FOCAD: variants seen among roughly 807,000 people sequenced by gnomAD.
FOCAD encodes the protein KIAA1797.
FOCAD carries 198 observed loss-of-function variants against 225.6 expected under a neutral mutation model. The observed-to-expected ratio is 0.88, with a 90% CI of 0.78 to 0.99. The LOEUF (loss-of-function observed/expected upper bound fraction) is 0.99, where lower values mean the gene tolerates loss of function less well. FOCAD is among the 50% of genes least tolerant of loss of function. The probability of loss-of-function intolerance (pLI) is 0.00; values close to 1 mark genes in which losing one functional copy is unlikely to be tolerated. For synonymous variants in FOCAD, 897 were observed against 755.0 expected (o/e 1.19, Z -3.08); for missense variants, 2,713 against 2,123.6 (o/e 1.28, Z -5.46).
At chr9:20,942,177 A>G (rs923590883) in intron 28 of FOCAD, among the ~76,000 whole-genome samples, 3 of 152,220 alleles carry the variant, frequency 2.0e-5, no homozygotes, top group African/African-American at 7.2e-5. Context: ...TGTAGCAATG[A>G]ATAGAATCGC....
intron 11 of FOCAD, among the ~76,000 whole-genome samples, chr9:20,790,648 G>C (rs1319685798): frequency 6.6e-6 from 1 of 152,164 alleles, no homozygotes; most frequent in Admixed American, 6.5e-5. Flanking sequence ...ACATGCACCT[G>C]TAATCCCAGC....
chr9:20,820,156 T>C (rs1354654353), intron 12 of FOCAD, 168 bp from the exon 13 acceptor site: 4 of 563,216 alleles, frequency 7.1e-6, no homozygotes, highest in Non-Finnish European at 9.3e-6. Context: ...AGGATTGTTA[T>C]CTAGCCCCTC....
At chr9:20,761,435 T>A (rs779908110) in intron 6 of FOCAD, among the ~76,000 whole-genome samples, 1 of 152,044 alleles carries the variant, frequency 6.6e-6, no homozygotes, top group African/African-American at 2.4e-5. Flanking sequence ...TTTTATTTTT[T>A]TTTGTGGCAG....
At chr9:20,967,497 C>CT (rs1839370352) in intron 35 of FOCAD, among the ~76,000 whole-genome samples, 1 of 151,896 alleles carries the variant, frequency 6.6e-6, no homozygotes, top group African/African-American at 2.4e-5. Context: ...ATCTGAATGC[C>CT]TTTTCTTTTT....
At chr9:20,878,788 G>C (rs1246085854) in intron 19 of FOCAD, among the ~76,000 whole-genome samples, 1 of 152,180 alleles carries the variant, frequency 6.6e-6, no homozygotes, top group Non-Finnish European at 1.5e-5. Context: ...CTCCATTCAA[G>C]TCCGAAGGCT....
At chr9:20,911,794 G>A (rs573683908) in intron 22 of FOCAD, among the ~76,000 whole-genome samples, 1 of 152,204 alleles carries the variant, frequency 6.6e-6, no homozygotes, top group South Asian at 2.1e-4. Flanking sequence ...TCTTCAATGT[G>A]TATCACTTTT....
intron 1 of FOCAD, among the ~76,000 whole-genome samples, chr9:20,690,058 G>A (rs1822884111): frequency 6.6e-6 from 1 of 152,166 alleles, no homozygotes; most frequent in East Asian, 1.9e-4. Flanking sequence ...GTTATGTTGA[G>A]TATTTTTAGG....
At chr9:20,743,656 G>A (rs890683795) in intron 5 of FOCAD, among the ~76,000 whole-genome samples, 8 of 152,252 alleles carry the variant, frequency 5.3e-5, no homozygotes, top group Admixed American at 2.0e-4. Context: ...CTGGGGCAGC[G>A]TGTTAAAAGT....
chr9:20,779,981 C>T (rs1039166409), intron 9 of FOCAD, among the ~76,000 whole-genome samples: 2 of 152,046 alleles, frequency 1.3e-5, no homozygotes, highest in African/African-American at 4.8e-5. Context: ...CCGGTTTTTG[C>T]CTTTTTCTTA....
intron 35 of FOCAD, among the ~76,000 whole-genome samples, chr9:20,971,095 T>A (rs1839720445): frequency 6.6e-6 from 1 of 152,192 alleles, no homozygotes; most frequent in Non-Finnish European, 1.5e-5. Flanking sequence ...CTCTGAAGGC[T>A]CTGTTCTTTT....
chr9:20,790,727 C>T (rs201522055), intron 11 of FOCAD, among the ~76,000 whole-genome samples: 1 of 152,038 alleles, frequency 6.6e-6, no homozygotes, highest in Non-Finnish European at 1.5e-5. Flanking sequence ...GCCGAGATTG[C>T]GCCACTGCAC....
chr9:20,743,324 A>G (rs976167774), intron 5 of FOCAD, among the ~76,000 whole-genome samples: 1 of 152,218 alleles, frequency 6.6e-6, no homozygotes, highest in African/African-American at 2.4e-5. Context: ...CATGCAGCTA[A>G]TCTGTGTTTT....
intron 1 of FOCAD, among the ~76,000 whole-genome samples, chr9:20,698,814 T>C (rs1823598127): frequency 1.3e-5 from 2 of 152,250 alleles, no homozygotes; most frequent in African/African-American, 4.8e-5. Flanking sequence ...TGCATAGTCC[T>C]TAGTTTATCT....
At chr9:20,789,139 A>C (rs576043431) in intron 10 of FOCAD, among the ~76,000 whole-genome samples, 3 of 151,840 alleles carry the variant, frequency 2.0e-5, no homozygotes, top group African/African-American at 7.3e-5. Context: ...TTGTGATAAA[A>C]CTCTTCTGGA....
Position 20,929,539 on chromosome 9 carries a change from T to A in FOCAD, c.3260T>A (p.Ile1087Asn). The A allele has an allele frequency of 1.2e-6, 2 of 1,614,164 alleles. No homozygotes were observed. The highest frequency in any genetic ancestry group is 1.7e-6 in the Non-Finnish European group (2 of 1,180,016). Residue 1087 changes from isoleucine to asparagine, a missense_variant, in exon 27 of 44, where the codon ATC (isoleucine) becomes AAC (asparagine). By Grantham distance (149) the Ile-to-Asn change is moderately radical. Transcript: ENST00000338382. Reference protein sequence around the residue: ...PSADESQAVQIHMGLALGMFL... With the variant: ...PSADESQAVQNHMGLALGMFL... Reference sequence around the variant, plus strand: ...GCTGATGAGTCTCAAGCCGTGCAAATCCACATGGGCCTTGCTTTAGGGATG... The same window carrying A: ...GCTGATGAGTCTCAAGCCGTGCAAAACCACATGGGCCTTGCTTTAGGGATG...
At chr9:20,780,169 A>T (rs2131093100) in intron 9 of FOCAD, among the ~76,000 whole-genome samples, 1 of 152,328 alleles carries the variant, frequency 6.6e-6, no homozygotes, top group Admixed American at 6.5e-5. Flanking sequence ...ACTGTCTATC[A>T]TCTGCCCAAA....
intron 11 of FOCAD, among the ~76,000 whole-genome samples, chr9:20,800,941 C>T (rs1485571260): frequency 6.6e-6 from 1 of 152,136 alleles, no homozygotes; most frequent in Non-Finnish European, 1.5e-5. Flanking sequence ...TTAGAATTTT[C>T]AGTTTTTCTG....
At chr9:20,949,737 C>G (rs1837517485) in intron 33 of FOCAD, 62 bp downstream of exon 33, 2 of 1,311,788 alleles carry the variant, frequency 1.5e-6, no homozygotes, top group East Asian at 2.3e-5. Flanking sequence ...GTCTTTTTTT[C>G]TATTACATGA....
intron 8 of FOCAD, among the ~76,000 whole-genome samples, chr9:20,772,845 C>G (rs1264316820): frequency 6.6e-6 from 1 of 151,606 alleles, no homozygotes; most frequent in Admixed American, 6.6e-5. Context: ...TACTGGGACT[C>G]TAAATAACAT....
Sources: gnomAD v4.1 joint callset for allele counts (sites outside exome capture counted in the v4.1 genomes callset) on GRCh38, gnomAD v4.1.1 for gene constraint, MANE v1.5 for transcripts, NCBI Gene and HGNC (gene_info 2026-07-23, HGNC 2026-07-21) for gene names.